The following TRAK1 variants were observed in gnomAD, a reference collection of about 807,000 sequenced individuals.
TRAK1 encodes trafficking kinesin-binding protein 1.
In TRAK1, 33 loss-of-function variants were observed where a neutral mutation model predicts 92.1. That is an observed-to-expected ratio of 0.36 (90% CI 0.27 to 0.48). The LOEUF (loss-of-function observed/expected upper bound fraction) is 0.48. Among genes scored for constraint, TRAK1 ranks in the 20% least tolerant of loss-of-function variants. TRAK1 has a pLI of 0.99. For missense variants in TRAK1, 1,123 were observed against 1,257.9 expected (o/e 0.89, Z 1.62); for synonymous variants, 521 against 517.3 (o/e 1.01, Z -0.10).
chr3:42,087,698 G>A (rs1352839636), upstream of TRAK1, among the ~76,000 whole-genome samples: 1 of 152,244 alleles, frequency 6.6e-6, no homozygotes, highest in African/African-American at 2.4e-5. Flanking sequence ...TGAGCAGCAA[G>A]CATGGCCCAT....
At position 42,223,629 on chromosome 3, in the gene TRAK1, C is replaced by T; in HGVS notation, c.2754C>T (p.Arg918=). Residue 918 remains arginine (R), a synonymous_variant, in exon 16 of 16, where the codon CGC becomes CGT. Transcript: ENST00000327628. The surrounding 1 kb of genome is among the most constrained non-coding windows in gnomAD (Gnocchi z 6.1). ...LQLNSGIRRN[R]SFPTMVGSSM... is the part of the protein sequence containing the mutation. Reference sequence around the variant, plus strand: ...TCAATAGTGGCATCCGGCGGAATCGCAGCTTCCCCACCATGGTGGGATCTA... The same window carrying T: ...TCAATAGTGGCATCCGGCGGAATCGTAGCTTCCCCACCATGGTGGGATCTA... 1.2e-6 allele frequency: 2 copies of T among 1,614,062 alleles called. No homozygotes were observed. Among genetic ancestry groups the T allele is most frequent in the South Asian group, 1.1e-5 (1 of 91,074 alleles).
At chr3:42,032,499 A>G (rs796644053) in intron 1 of TRAK1, among the ~76,000 whole-genome samples, 15 of 150,750 alleles carry the variant, frequency 1.0e-4, no homozygotes, top group Admixed American at 2.0e-4. Context: ...AAAAAAAACC[A>G]TCTTTGCAAC....
chr3:42,172,422 G>A (rs1702683389), intron 2 of TRAK1, among the ~76,000 whole-genome samples: 1 of 152,084 alleles, frequency 6.6e-6, no homozygotes, highest in African/African-American at 2.4e-5. Context: ...TTAAATCTCA[G>A]GATAAGAGCC....
In TRAK1 at chr3:42,223,588, A is replaced by G. The variant is rs1710563371; in HGVS notation, c.2713A>G (p.Ile905Val). The G allele has an allele frequency of 1.9e-6, 3 of 1,613,904 alleles. No individual in the cohort carries two copies. The highest frequency in any genetic ancestry group is 1.7e-6 in the Non-Finnish European group (2 of 1,179,998). Residue 905 changes from isoleucine to valine, a missense_variant, in exon 16 of 16, where the codon ATC becomes GTC. Physicochemically the swap from Ile to Val is conservative, Grantham distance 29. Around this residue, in one of 3 missense-constraint regions of TRAK1, gnomAD observed 401 missense variants for 438.9 expected, o/e 0.91. Coordinates refer to ENST00000327628, the MANE Select transcript of TRAK1 (RefSeq NM_001042646.3). The surrounding 1 kb of genome is among the most constrained non-coding windows in gnomAD (Gnocchi z 6.1). Reference sequence around the variant, plus strand: ...CAGATGCCCCACTGTCACCAGTGCCATCGGTGGGCTGCAGCTCAATAGTGG... The same window carrying G: ...CAGATGCCCCACTGTCACCAGTGCCGTCGGTGGGCTGCAGCTCAATAGTGG... ...PLRCPTVTSA[I>V]GGLQLNSGIR...
intron 2 of TRAK1, among the ~76,000 whole-genome samples, chr3:42,169,370 T>C (rs1052408574): frequency 1.3e-5 from 2 of 152,300 alleles, no homozygotes; most frequent in Middle Eastern, 3.4e-3. Flanking sequence ...TGATGGACTT[T>C]TTTGGCTATA....
chr3:42,072,606 C>T (rs1287094584), intron 1 of TRAK1, among the ~76,000 whole-genome samples: 1 of 149,570 alleles, frequency 6.7e-6, no homozygotes, highest in Non-Finnish European at 1.5e-5. Flanking sequence ...CAGGCGTGAG[C>T]TTACAGAAGG....
intron 1 of TRAK1, among the ~76,000 whole-genome samples, chr3:42,057,270 C>T (rs995733038): frequency 1.3e-5 from 2 of 152,158 alleles, no homozygotes; most frequent in Non-Finnish European, 2.9e-5. Context: ...GGGCTGGAAT[C>T]CAGTTTTGTG....
chr3:42,107,946 C>T (rs1373312758), intron 1 of TRAK1, among the ~76,000 whole-genome samples: 1 of 151,528 alleles, frequency 6.6e-6, no homozygotes, highest in Non-Finnish European at 1.5e-5. Context: ...GGTCATGTCA[C>T]ATCTAAGAAG....
At chr3:42,033,131 C>G (rs1702211758) in intron 1 of TRAK1, among the ~76,000 whole-genome samples, 1 of 152,166 alleles carries the variant, frequency 6.6e-6, no homozygotes, top group Admixed American at 6.5e-5. Flanking sequence ...CCGCGGCCTC[C>G]CATCTCAGCC....
intron 1 of TRAK1, among the ~76,000 whole-genome samples, chr3:42,107,251 T>C (rs1707689291): frequency 6.6e-6 from 1 of 152,132 alleles, no homozygotes; most frequent in Non-Finnish European, 1.5e-5. Context: ...CGCAGTGCCT[T>C]ATGCCTGTAA....
chr3:42,110,129 T>A (rs1248777694), intron 1 of TRAK1, among the ~76,000 whole-genome samples: 9 of 128,494 alleles, frequency 7.0e-5, no homozygotes, highest in African/African-American at 2.6e-4. Flanking sequence ...TATATATATA[T>A]ATAAACTTTG....
chr3:42,156,845 G>A (rs895658996), intron 2 of TRAK1, among the ~76,000 whole-genome samples: 9 of 152,126 alleles, frequency 5.9e-5, no homozygotes, highest in African/African-American at 2.2e-4. Flanking sequence ...TTAAAAACTG[G>A]AGCTTTAAAA....
Position 42,223,671 on chromosome 3 carries a change from T to C in TRAK1, c.2796T>C (p.Ala932=). 6.2e-7 allele frequency: 1 copy of C among 1,613,896 alleles called. No homozygotes were observed. Among genetic ancestry groups the C allele is most frequent in the Non-Finnish European group, 8.5e-7 (1 of 1,179,908 alleles). The change falls in exon 16 of 16, where the codon GCT becomes GCC. Residue 932 remains alanine, a synonymous_variant. Transcript: ENST00000327628. This position sits in a 1 kb window ranked among gnomAD's most constrained non-coding sequence, Gnocchi z 6.1. Reference sequence around the variant, plus strand: ...TGGGATCTAGCATGCAGATGAAAGCTCCTGTGACTCTCACCTCGGGCATCT... The same window carrying C: ...TGGGATCTAGCATGCAGATGAAAGCCCCTGTGACTCTCACCTCGGGCATCT... ...TMVGSSMQMK[A]PVTLTSGILM...
intron 1 of TRAK1, among the ~76,000 whole-genome samples, chr3:42,073,572 G>A (rs1010985859): frequency 6.6e-6 from 1 of 152,194 alleles, no homozygotes; most frequent in African/African-American, 2.4e-5. Flanking sequence ...AGGACCTGTG[G>A]CCTAGGGCAT....
chr3:42,193,371 G>A (rs1706105768), intron 8 of TRAK1, among the ~76,000 whole-genome samples, 166 bp downstream of exon 8: 1 of 152,218 alleles, frequency 6.6e-6, no homozygotes. Context: ...CTGATTACCT[G>A]AATTGGTGAC....
At position 42,209,934 on chromosome 3, in the gene TRAK1, T is replaced by G; in HGVS notation, c.1912T>G (p.Ser638Ala). The G allele has an allele frequency of 6.2e-7, 1 of 1,614,028 alleles. No individual in the cohort carries two copies. The highest frequency in any genetic ancestry group is 8.5e-7 in the Non-Finnish European group (1 of 1,180,012). ...AGAAGATGACACAGGTGACCACATT[T>G]CTCTCCCACGCCTAGCTACCTCCAC... The part of the protein sequence containing the change: ...FEEDDTGDHI[S>A]LPRLATSTPV... The change falls in exon 14 of 16, where the codon TCT (serine) becomes GCT (alanine). Residue 638 changes from serine (S) to alanine (A), a missense_variant. This residue lies in a region of TRAK1 where 401 missense variants were observed against 438.9 expected (regional missense o/e 0.91). Transcript: ENST00000327628.
At chr3:42,152,767 C>T (rs1352436653) in intron 2 of TRAK1, among the ~76,000 whole-genome samples, 1 of 152,128 alleles carries the variant, frequency 6.6e-6, no homozygotes, top group Non-Finnish European at 1.5e-5. Flanking sequence ...TTCAAAAGGA[C>T]TTGGGTTCAG....
intron 13 of TRAK1, among the ~76,000 whole-genome samples, chr3:42,204,899 A>G (rs906651272): frequency 5.9e-5 from 9 of 152,180 alleles, no homozygotes; most frequent in Non-Finnish European, 7.4e-5. Context: ...CTTAGCTGTT[A>G]CAACCAGTAT....
intron 13 of TRAK1, among the ~76,000 whole-genome samples, chr3:42,206,796 G>C (rs1334503693): frequency 6.6e-6 from 1 of 152,240 alleles, no homozygotes; most frequent in African/African-American, 2.4e-5. Context: ...GAGAATGCAA[G>C]TAATTCCATG....
Sources: allele counts gnomAD v4.1 joint callset (sites outside exome capture counted in the v4.1 genomes callset), GRCh38; gene constraint gnomAD v4.1.1; regional missense constraint gnomAD v4.1.1; non-coding constraint Gnocchi (gnomAD v3.1); transcripts MANE v1.5; gene names NCBI Gene and HGNC (gene_info 2026-07-23, HGNC 2026-07-21).